MITF: variants seen among roughly 807,000 people sequenced by gnomAD.
MITF encodes the protein melanocyte inducing transcription factor.
In MITF, 17 loss-of-function variants were observed where a neutral mutation model predicts 60.5. The ratio of observed to expected loss-of-function variants is 0.28; its 90% CI spans 0.19 to 0.42. The LOEUF (loss-of-function observed/expected upper bound fraction) is 0.42. Ranked by LOEUF, MITF falls within the 10% of genes least tolerant of loss-of-function variation. The pLI is 1.00. For synonymous variants in MITF, 260 were observed against 248.5 expected, an observed-to-expected ratio of 1.05 and a Z score of -0.43; for missense variants, 622 against 683.5, an observed-to-expected ratio of 0.91 and a Z score of 1.00.
intron 1 of MITF, among the ~76,000 whole-genome samples, chr3:69,815,247 G>A (rs1333405466): frequency 6.6e-6 from 1 of 152,168 alleles, no homozygotes; most frequent in Non-Finnish European, 1.5e-5. Context: ...TATGTGCAGA[G>A]TTCTAGCAAC....
rs376506704 is a variant in MITF at position 69,821,445 on chromosome 3, A to G, written c.105-57689A>G. 7.6e-4 allele frequency among the ~76,000 whole-genome samples: 115 copies of G among 152,184 alleles called. 2 individuals are homozygous for G. In the South Asian group the frequency reaches 0.022, roughly 29 times the overall value. Reference sequence around the variant, plus strand: ...TGAGGTTGCTGAAACTTAAAATCTAATTGGTAGGATGTATGGAAAACAATG... The same window carrying G: ...TGAGGTTGCTGAAACTTAAAATCTAGTTGGTAGGATGTATGGAAAACAATG... On this transcript the variant is annotated intron_variant, in intron 1 of 9. Coordinates refer to ENST00000352241, the MANE Select transcript of MITF (RefSeq NM_001354604.2).
At chr3:69,739,911 G>C (rs1038452812) in intron 1 of MITF, among the ~76,000 whole-genome samples, 1 of 152,148 alleles carries the variant, frequency 6.6e-6, no homozygotes, top group African/African-American at 2.4e-5. Flanking sequence ...AGCGCACTTC[G>C]CGGGGGCGCG....
At chr3:69,766,621 G>A (rs966805135) in intron 1 of MITF, among the ~76,000 whole-genome samples, 4 of 152,026 alleles carry the variant, frequency 2.6e-5, no homozygotes, top group Non-Finnish European at 5.9e-5. Context: ...GCACGTTTTG[G>A]GAGGCCTGGT....
chr3:69,829,750 A>AT (rs2063415790), intron 1 of MITF, among the ~76,000 whole-genome samples: 3 of 152,122 alleles, frequency 2.0e-5, no homozygotes, highest in Non-Finnish European at 2.9e-5. Context: ...CACTTGGACT[A>AT]CTAATGCATA....
chr3:69,768,484 T>G (rs2062337173), intron 1 of MITF, among the ~76,000 whole-genome samples: 1 of 152,210 alleles, frequency 6.6e-6, no homozygotes, highest in African/African-American at 2.4e-5. Context: ...TTTCTGAACA[T>G]GATATTTTAC....
At chr3:69,767,385 ACCAG>A (rs2062313652) in intron 1 of MITF, among the ~76,000 whole-genome samples, 1 of 152,106 alleles carries the variant, frequency 6.6e-6, no homozygotes, top group Non-Finnish European at 1.5e-5. Flanking sequence ...GGAGTTCGAG[ACCAG>A]CCTGACCAAC....
At chr3:69,798,561 C>A (rs1306236518) in intron 1 of MITF, among the ~76,000 whole-genome samples, 1 of 152,198 alleles carries the variant, frequency 6.6e-6, no homozygotes, top group African/African-American at 2.4e-5. Context: ...GACTGTGTGT[C>A]CACATCTCAG....
At chr3:69,929,774 T>A (rs971926028) in intron 2 of MITF, among the ~76,000 whole-genome samples, 2 of 151,954 alleles carry the variant, frequency 1.3e-5, no homozygotes, top group Middle Eastern at 3.4e-3. Flanking sequence ...GGTAGAAGAG[T>A]CAGGAAGCTT....
chr3:69,920,263 A>G (rs2065434128), intron 2 of MITF, among the ~76,000 whole-genome samples: 1 of 152,172 alleles, frequency 6.6e-6, no homozygotes, highest in Non-Finnish European at 1.5e-5. Context: ...GCGGTAGCGG[A>G]AAGTGTCAAG....
At chr3:69,857,780 A>T (rs141415566) in intron 1 of MITF, among the ~76,000 whole-genome samples, 441 of 152,262 alleles carry the variant, frequency 2.9e-3, no homozygotes, top group Non-Finnish European at 3.9e-3. Flanking sequence ...AGCCTATTGA[A>T]CAGTGCCTGG....
At chr3:69,882,753 A>G (rs1432891044) in intron 2 of MITF, among the ~76,000 whole-genome samples, 1 of 152,150 alleles carries the variant, frequency 6.6e-6, no homozygotes, top group Non-Finnish European at 1.5e-5. Context: ...ACAAACCACC[A>G]AGTTAATCAT....
intron 1 of MITF, among the ~76,000 whole-genome samples, chr3:69,823,320 T>C (rs983619031): frequency 6.6e-6 from 1 of 152,214 alleles, no homozygotes; most frequent in Non-Finnish European, 1.5e-5. Context: ...ACTGGTAGCT[T>C]ACACAACATA....
chr3:69,917,966 G>GT (rs1484500559), intron 2 of MITF, among the ~76,000 whole-genome samples: 1 of 152,036 alleles, frequency 6.6e-6, no homozygotes, highest in Non-Finnish European at 1.5e-5. Context: ...TGTTGTCAGA[G>GT]TTTTTTTCTC....
Position 69,931,809 on chromosome 3 carries a change from A to G in MITF, c.355-6013A>G, listed in dbSNP as rs531603194. ...TTTATCTTCCCTTCTTATTCAGTTAAAGTCCTAGATCAGAACTGACCCACA... is the reference window on the plus strand; with the variant it reads ...TTTATCTTCCCTTCTTATTCAGTTAGAGTCCTAGATCAGAACTGACCCACA... On this transcript the variant is annotated intron_variant, in intron 2 of 9. Transcript: ENST00000352241. Among the ~76,000 whole-genome samples the G allele has an allele frequency of 2.6e-5, 4 of 152,334 alleles. No homozygotes were observed. The South Asian group carries it at 6.2e-4, about 24-fold the overall frequency.
At chr3:69,753,749 A>G (rs1704024067) in intron 1 of MITF, among the ~76,000 whole-genome samples, 2 of 152,186 alleles carry the variant, frequency 1.3e-5, no homozygotes, top group Non-Finnish European at 1.5e-5. Flanking sequence ...CATGGAGCCT[A>G]TGGCCCCTTT....
intron 2 of MITF, among the ~76,000 whole-genome samples, chr3:69,910,779 C>T (rs980098126): frequency 6.6e-6 from 1 of 152,120 alleles, no homozygotes; most frequent in Admixed American, 6.5e-5. Context: ...TACCTATACC[C>T]CCATTGTAGC....
chr3:69,901,419 G>A lies in MITF; in HGVS notation c.354+22036G>A, dbSNP rs531286841. ...ATTTAGATAATTTTCATGGGTTTAAGCATAATCCTTTAAACTTAACCCAAG... is the reference window on the plus strand; with the variant it reads ...ATTTAGATAATTTTCATGGGTTTAAACATAATCCTTTAAACTTAACCCAAG... On this transcript the variant is annotated intron_variant, in intron 2 of 9. Transcript: ENST00000352241. 8.7e-4 allele frequency among the ~76,000 whole-genome samples: 133 copies of A among 152,098 alleles called. 3 individuals are homozygous for A. Among genetic ancestry groups the A allele is most frequent in the Admixed American group, 7.6e-3 (116 of 15,264 alleles).
intron 1 of MITF, among the ~76,000 whole-genome samples, chr3:69,759,493 A>G (rs1408226449): frequency 1.3e-5 from 2 of 152,228 alleles, no homozygotes; most frequent in Non-Finnish European, 2.9e-5. Context: ...GGGGACTCAA[A>G]CTTCTTGCTG....
At chr3:69,954,422 G>A (rs111697666) in intron 7 of MITF, among the ~76,000 whole-genome samples, 3,599 of 152,230 alleles carry the variant, frequency 0.024, 51 homozygotes, top group Middle Eastern at 0.051. Context: ...GACATGGGAG[G>A]TAGTGAATCA....
Sources: allele counts gnomAD v4.1 joint callset (sites outside exome capture counted in the v4.1 genomes callset), GRCh38; gene constraint gnomAD v4.1.1; transcripts MANE v1.5; gene names NCBI Gene and HGNC (gene_info 2026-07-23, HGNC 2026-07-21).